The following CUX1 variants were observed in gnomAD, a reference collection of about 807,000 sequenced individuals.
The protein encoded by CUX1 is protein CASP.
A neutral mutation model predicts 158.8 loss-of-function variants in CUX1; 31 were observed. The ratio of observed to expected loss-of-function variants is 0.20; its 90% confidence interval spans 0.15 to 0.26. The LOEUF is 0.26. Ranked by LOEUF, CUX1 falls within the 10% of genes least tolerant of loss-of-function variation. The pLI is 1.00. For missense variants in CUX1, 1,589 were observed against 2,014.6 expected (o/e 0.79, Z 4.04); for synonymous variants, 879 against 862.1 (o/e 1.02, Z -0.34).
intron 20 of CUX1, among the ~76,000 whole-genome samples, chr7:102,224,058 A>G (rs902019748): frequency 2.0e-5 from 3 of 152,236 alleles, no homozygotes; most frequent in Admixed American, 1.3e-4. Context: ...TTGCTGTGGC[A>G]TCTCTCCATG....
rs1356653523 is a variant in CUX1, at chr7:101,860,905, C to T, written c.30+43236C>T. Among the ~76,000 whole-genome samples the T allele has an allele frequency of 2.0e-5, 3 of 152,036 alleles. No individual in the cohort carries two copies. In the East Asian group the frequency reaches 5.8e-4, roughly 29 times the overall value. ...CACTGCAGCCTTGACCTGGTAGTCT[C>T]AAGTGATCCTCCCACCTCAGCCTGT... On this transcript the variant is annotated intron_variant, in intron 1 of 23. Transcript: ENST00000292535.
At chr7:102,221,737 TAAAAAA>T (rs60706791) in intron 20 of CUX1, among the ~76,000 whole-genome samples, 3,371 of 133,966 alleles carry the variant, frequency 0.025, 108 homozygotes, top group African/African-American at 0.078. Context: ...CAGTGCCTTG[TAAAAAA>T]AAAAAAAAAA....
chr7:102,133,714 A>T (rs1420622562), intron 8 of CUX1, among the ~76,000 whole-genome samples: 1 of 151,904 alleles, frequency 6.6e-6, no homozygotes, highest in Non-Finnish European at 1.5e-5. Context: ...TGACCTCGTG[A>T]TCCACCCGCC....
chr7:101,907,278 A>G (rs1227298543), intron 1 of CUX1, among the ~76,000 whole-genome samples: 1 of 152,146 alleles, frequency 6.6e-6, no homozygotes, highest in Admixed American at 6.5e-5. Context: ...GTTTCCTAGG[A>G]CTTTGTCAGC....
At chr7:102,054,433 G>A (rs1283632489) in intron 3 of CUX1, among the ~76,000 whole-genome samples, 3 of 152,140 alleles carry the variant, frequency 2.0e-5, no homozygotes, top group African/African-American at 7.2e-5. Context: ...CCCTTGAATT[G>A]TCATGTCACT....
chr7:101,834,772 G>T (rs944795393), intron 1 of CUX1, among the ~76,000 whole-genome samples: 2 of 152,034 alleles, frequency 1.3e-5, no homozygotes, highest in African/African-American at 4.8e-5. Context: ...GCTGAAGCGG[G>T]CAGACCACTT....
intron 9 of CUX1, among the ~76,000 whole-genome samples, 177 bp from the exon 10 acceptor site, chr7:102,170,269 A>G (rs1791559889): frequency 6.6e-6 from 1 of 152,158 alleles, no homozygotes; most frequent in African/African-American, 2.4e-5. Flanking sequence ...TCTTCCTTGT[A>G]CTGTTTAAAA....
In CUX1 at chr7:102,111,764, C is replaced by G. The variant is rs781955653; in HGVS notation, c.597C>G (p.Ser199Arg). The change falls in exon 7 of 24, where the codon AGC becomes AGG. Residue 199 changes from serine (S) to arginine (R), a missense_variant. Ser to Arg is a moderately radical substitution (Grantham distance 110, BLOSUM62 -1). This residue lies in a region of CUX1 where 515 missense variants were observed against 574.4 expected (regional missense o/e 0.90). Coordinates refer to ENST00000292535, the MANE Select transcript of CUX1 (RefSeq NM_181552.4). ...KLEEAEHKVQSLQTALEKTRT... is the reference protein window; with the variant it reads ...KLEEAEHKVQRLQTALEKTRT... ...AGGAAGCTGAGCATAAGGTTCAGAG[C>G]CTACAAACAGGTTTGATACTCTCCT... The G allele has an allele frequency of 1.2e-6, 2 of 1,613,952 alleles. No individual in the cohort carries two copies. The highest frequency in any genetic ancestry group is 1.7e-5 in the Admixed American group (1 of 60,014).
At position 102,234,167 on chromosome 7, in the gene CUX1, C is replaced by T; in HGVS notation, c.3549C>T (p.Val1183=). ...KLSLKGREPF[V]RMQLWLNDPN... The stretch of plus-strand genomic sequence containing the variant: ...GTCTGAAAGGACGAGAGCCCTTCGT[C>T]CGGATGCAGCTGTGGCTGAACGACC... The change falls in exon 22 of 24, where the codon GTC becomes GTT. Residue 1183 remains valine, a synonymous_variant. Transcript: ENST00000292535. 1 of 1,600,884 alleles carries T rather than the reference C, an allele frequency of 6.2e-7. No individual in the cohort carries two copies. The highest frequency in any genetic ancestry group is 8.5e-7 in the Non-Finnish European group (1 of 1,174,590).
chr7:102,249,574 A>G lies in CUX1; in HGVS notation c.*532A>G. On this transcript the variant is annotated 3_prime_UTR_variant, in exon 24 of 24. Coordinates refer to ENST00000292535, the MANE Select transcript of CUX1 (RefSeq NM_181552.4). ...CCTCCTGTTCCGTGTGGGCTTTAAA[A>G]GAAAAAAAATCAAACCCACATATTA... 1 of 985,862 alleles carries G rather than the reference A, an allele frequency of 1.0e-6. No homozygotes were observed. The highest frequency in any genetic ancestry group is 1.2e-6 in the Non-Finnish European group (1 of 829,938). The allele number at this position is 985,862 out of a possible 1,614,324, so 61.1% of individuals were successfully genotyped here.
At chr7:102,037,395 C>T (rs1251194667) in intron 3 of CUX1, among the ~76,000 whole-genome samples, 14 of 147,500 alleles carry the variant, frequency 9.5e-5, no homozygotes, top group African/African-American at 3.3e-4. Flanking sequence ...TCTTGTTGCC[C>T]AGGCTGGAAT....
At position 102,256,573 on chromosome 7, in the gene CUX1, G is replaced by C. The variant is rs531291322; in HGVS notation, c.*7531G>C. On this transcript the variant is annotated 3_prime_UTR_variant, in exon 24 of 24. Coordinates refer to ENST00000292535, the MANE Select transcript of CUX1 (RefSeq NM_181552.4). ...CCAGAGTAGCCACTCAAAAACTGGT[G>C]GTCTCTATGTGTCTAACTTTTTAAA... 2 of 985,338 alleles carry C rather than the reference G, an allele frequency of 2.0e-6. No homozygotes were observed. The highest frequency in any genetic ancestry group is 1.1e-4 in the East Asian group (1 of 8,808). 61.0% of individuals were successfully genotyped at this position (985,338 alleles called of 1,614,324 possible).
chr7:102,112,240 C>T (rs78075850), intron 7 of CUX1, among the ~76,000 whole-genome samples: 3 of 131,426 alleles, frequency 2.3e-5, no homozygotes, highest in African/African-American at 8.6e-5. Context: ...CTTTCTCTCT[C>T]TCTTTTTTTT....
At chr7:102,157,657 G>T (rs541755796) in intron 8 of CUX1, among the ~76,000 whole-genome samples, 1 of 152,174 alleles carries the variant, frequency 6.6e-6, no homozygotes. Flanking sequence ...GTGCACGCCT[G>T]TAGTCTCAGC....
At position 101,830,520 on chromosome 7, in the gene CUX1, A is replaced by G. The variant is rs183897878; in HGVS notation, c.30+12851A>G. On this transcript the variant is annotated intron_variant, in intron 1 of 23. Coordinates refer to ENST00000292535, the MANE Select transcript of CUX1 (RefSeq NM_181552.4). ...TGTTGTGGACTGCAGTGGTGGGATC[A>G]TAGCTCTCTGCAACCGCGAACTCCC... Among the ~76,000 whole-genome samples the G allele has an allele frequency of 2.2e-3, 337 of 152,258 alleles. 3 individuals are homozygous for G. The highest frequency in any genetic ancestry group is 7.6e-3 in the African/African-American group (317 of 41,552).
At chr7:102,147,933 C>T (rs1835196500) in intron 8 of CUX1, among the ~76,000 whole-genome samples, 1 of 152,050 alleles carries the variant, frequency 6.6e-6, no homozygotes. Context: ...CCGAGATCGC[C>T]CCACTGCCCT....
Position 102,201,470 on chromosome 7 carries a change from G to C in CUX1, c.2173G>C (p.Asp725His). Residue 725 changes from aspartate (D) to histidine (H), a missense_variant, in exon 18 of 24, where the codon GAC (aspartate) becomes CAC (histidine). This residue lies in a region of CUX1 where 337 missense variants were observed against 409.3 expected (regional missense o/e 0.82). Coordinates refer to ENST00000292535, the MANE Select transcript of CUX1 (RefSeq NM_181552.4). The surrounding 1 kb of genome is among the most constrained non-coding windows in gnomAD (Gnocchi z 5.0). ...GATGGAGGCCCAGCAGGCTGCCCTC[G>C]ACCCTGCCTTAAAGCAGGCACCACT... ...REMEAQQAAL[D>H]PALKQAPLSQ... 1.2e-6 allele frequency: 2 copies of C among 1,613,952 alleles called. No individual in the cohort carries two copies. Among genetic ancestry groups the C allele is most frequent in the Non-Finnish European group, 1.7e-6 (2 of 1,179,994 alleles).
intron 4 of CUX1, among the ~76,000 whole-genome samples, chr7:102,076,840 C>T (rs539440493): frequency 9.9e-5 from 15 of 151,928 alleles, no homozygotes; most frequent in Non-Finnish European, 2.2e-4. Flanking sequence ...TGAAGACCAG[C>T]CTGGGCAACA....
chr7:102,155,629 T>C (rs1554505039), intron 8 of CUX1, among the ~76,000 whole-genome samples: 1 of 152,108 alleles, frequency 6.6e-6, no homozygotes, highest in Non-Finnish European at 1.5e-5. Flanking sequence ...TCTGAAGGAG[T>C]TTACGCTCTG....
Sources: gnomAD v4.1 joint callset for allele counts (sites outside exome capture counted in the v4.1 genomes callset) on GRCh38, gnomAD v4.1.1 for gene constraint, gnomAD v4.1.1 regional missense constraint, Gnocchi (gnomAD v3.1) non-coding constraint, MANE v1.5 for transcripts, NCBI Gene and HGNC (gene_info 2026-07-23, HGNC 2026-07-21) for gene names.